Variants in NPRL3 observed in about 807,000 individuals in gnomAD.
The protein encoded by NPRL3 is NPR3 like, GATOR1 complex subunit.
NPRL3 carries 23 observed loss-of-function variants against 57.2 expected under a neutral mutation model. That is an observed-to-expected ratio of 0.40 (90% CI 0.29 to 0.57). NPRL3 has a LOEUF of 0.57. Ranked by LOEUF, NPRL3 falls within the 20% of genes least tolerant of loss-of-function variation. The probability of loss-of-function intolerance (pLI) is 0.42; values close to 1 mark genes in which losing one functional copy is unlikely to be tolerated. For missense variants in NPRL3, 691 were observed against 767.1 expected (o/e 0.90, Z 1.17); for synonymous variants, 333 against 321.1 (o/e 1.04, Z -0.39).
intron 2 of NPRL3, among the ~76,000 whole-genome samples, chr16:131,404 G>A (rs1596540588): frequency 2.2e-5 from 3 of 134,288 alleles, no homozygotes; most frequent in South Asian, 2.2e-4. Context: ...GTGTGAACCC[G>A]GGAAGCAGAG....
chr16:89,915 G>A lies in NPRL3; in HGVS notation c.1162-13C>T, dbSNP rs1898691912. 3 of 1,542,004 alleles carry A rather than the reference G, an allele frequency of 1.9e-6. No individual in the cohort carries two copies. Among genetic ancestry groups the A allele is most frequent in the African/African-American group, 2.8e-5 (2 of 72,356 alleles). ...GGATGAGCTGGGTCTGCGGGTGGCA[G>A]CAGGTGAGGCTGGTCCCCCTCCCCA... On this transcript the variant is annotated splice_polypyrimidine_tract_variant and intron_variant, in intron 11 of 13. Transcript: ENST00000611875.
chr16:117,689 GTGCCCGCC>G (rs1900104965), intron 4 of NPRL3, among the ~76,000 whole-genome samples: 1 of 152,182 alleles, frequency 6.6e-6, no homozygotes, highest in African/African-American at 2.4e-5. Flanking sequence ...CTGCCTTCCC[GTGCCCGCC>G]TGCATCCACC....
chr16:133,017 T>C (rs923527346), intron 2 of NPRL3, among the ~76,000 whole-genome samples: 11 of 152,310 alleles, frequency 7.2e-5, no homozygotes, highest in African/African-American at 2.6e-4. Flanking sequence ...TTAAATCTCA[T>C]GAACTAACTT....
chr16:100,875 G>A (rs151204441), intron 7 of NPRL3, among the ~76,000 whole-genome samples: 16 of 140,264 alleles, frequency 1.1e-4, no homozygotes, highest in African/African-American at 3.0e-4. Flanking sequence ...GGAGGCTGAG[G>A]CAGGAGAATC....
chr16:104,725 C>T (rs1899455028), intron 7 of NPRL3, among the ~76,000 whole-genome samples: 1 of 152,232 alleles, frequency 6.6e-6, no homozygotes. Context: ...TATGAACTAA[C>T]CCAGCTCCCT....
At chr16:120,587 T>A (rs1290993481) in intron 3 of NPRL3, among the ~76,000 whole-genome samples, 1 of 152,210 alleles carries the variant, frequency 6.6e-6, no homozygotes, top group Non-Finnish European at 1.5e-5. Flanking sequence ...GAAGTCACCC[T>A]AGGCTCACAA....
intron 5 of NPRL3, among the ~76,000 whole-genome samples, chr16:115,404 A>C (rs1252312041): frequency 6.6e-6 from 1 of 152,172 alleles, no homozygotes. Flanking sequence ...CCACCCAAAA[A>C]ATACAAACTC....
At chr16:118,122 T>A (rs1900126299) in intron 4 of NPRL3, among the ~76,000 whole-genome samples, 1 of 152,184 alleles carries the variant, frequency 6.6e-6, no homozygotes, top group Non-Finnish European at 1.5e-5. Flanking sequence ...ACCAGGCTCA[T>A]CAACCGCCTC....
rs752985526 is a variant in NPRL3 at position 93,187 on chromosome 16, G to A, written c.1031+32C>T. ...GCCAGCCTCACCCCTTCCCACTCGG[G>A]GCTCCAGGCTCTGGCAGCCAGCAGC... On this transcript the variant is annotated intron_variant, in intron 10 of 13. Transcript: ENST00000611875. 3 of 1,407,136 alleles carry A rather than the reference G, an allele frequency of 2.1e-6. No individual in the cohort carries two copies. In the Admixed American group the frequency reaches 5.9e-5, roughly 28 times the overall value. The allele number at this position is 1,407,136 out of a possible 1,614,324, so 87.2% of individuals were successfully genotyped here.
Position 93,322 on chromosome 16 carries a change from A to G in NPRL3, c.928T>C (p.Phe310Leu). Reference protein sequence around the residue: ...QDADLALLQVFQLAAHLVYWG... With the variant: ...QDADLALLQVLQLAAHLVYWG... Reference sequence around the variant, plus strand: ...TACACCAGATGAGCTGCAAGCTGGAAAACCTGCAGGCAAAAGGGAAGCTGC... The same window carrying G: ...TACACCAGATGAGCTGCAAGCTGGAGAACCTGCAGGCAAAAGGGAAGCTGC... The change falls in exon 10 of 14, where the codon TTC becomes CTC. Residue 310 changes from phenylalanine (F) to leucine (L), a missense_variant. Transcript: ENST00000611875. The G allele has an allele frequency of 1.3e-6, 2 of 1,551,998 alleles. No homozygotes were observed. Among genetic ancestry groups the G allele is most frequent in the Non-Finnish European group, 1.7e-6 (2 of 1,146,334 alleles).
chr16:110,692 C>G (rs566354368), intron 6 of NPRL3, 86 bp from the exon 7 acceptor site: 1 of 1,058,770 alleles, frequency 9.4e-7, no homozygotes, highest in Admixed American at 2.1e-5. Context: ...GGATTACAGG[C>G]GCCCGCCACC....
At chr16:87,441 T>C (rs1898529715) in intron 13 of NPRL3, among the ~76,000 whole-genome samples, 1 of 152,022 alleles carries the variant, frequency 6.6e-6, no homozygotes, top group African/African-American at 2.4e-5. Flanking sequence ...CATTATATGT[T>C]GGCCAGGCTG....
At chr16:123,770 A>T (rs1208158319) in intron 3 of NPRL3, among the ~76,000 whole-genome samples, 1 of 150,500 alleles carries the variant, frequency 6.6e-6, no homozygotes, top group East Asian at 2.0e-4. Flanking sequence ...CCACGCTGAG[A>T]AACAGGGTCA....
intron 11 of NPRL3, 72 bp from the exon 12 acceptor site, chr16:89,974 G>T: frequency 7.1e-7 from 1 of 1,407,340 alleles, no homozygotes; most frequent in Non-Finnish European, 9.6e-7. Context: ...AGGGAGCCAT[G>T]GCCCTAGACA....
chr16:89,670 AGC>A, intron 12 of NPRL3, 41 bp downstream of exon 12: 1 of 1,450,994 alleles, frequency 6.9e-7, no homozygotes. Flanking sequence ...GCCACCCCCA[AGC>A]GTCTCCCCTG....
chr16:123,682 C>T (rs1900377602), intron 3 of NPRL3: 1 of 410,408 alleles, frequency 2.4e-6, no homozygotes, highest in South Asian at 1.7e-5. Flanking sequence ...TAACTGTTGA[C>T]CATCACGACT....
chr16:117,316 C>T lies in NPRL3; in HGVS notation c.378G>A (p.Val126=). Reference sequence around the variant, plus strand: ...AAACACTCACCCTCAGTGCAAACACCACATTAAAAAGAATCATAGTAGGTG... The same window carrying T: ...AAACACTCACCCTCAGTGCAAACACTACATTAAAAAGAATCATAGTAGGTG... The part of the protein sequence containing the change: ...REAPTMILFN[V]VFALRANADP... Residue 126 remains valine, a synonymous_variant, in exon 5 of 14, where the codon GTG becomes GTA. Transcript: ENST00000611875. The T allele has an allele frequency of 6.2e-7, 1 of 1,611,428 alleles. No homozygotes were observed. The highest frequency in any genetic ancestry group is 1.7e-5 in the Admixed American group (1 of 59,918).
At chr16:128,521 C>A (rs1900644737) in intron 3 of NPRL3, among the ~76,000 whole-genome samples, 1 of 152,228 alleles carries the variant, frequency 6.6e-6, no homozygotes, top group Non-Finnish European at 1.5e-5. Context: ...GTAATCCCAG[C>A]ACTTTGGGAG....
chr16:121,549 G>A (rs931334802), intron 3 of NPRL3, among the ~76,000 whole-genome samples: 11 of 151,852 alleles, frequency 7.2e-5, no homozygotes, highest in African/African-American at 1.7e-4. Flanking sequence ...GAACCTGGGC[G>A]GCAGAGGTTG....
Sources: allele counts gnomAD v4.1 joint callset (sites outside exome capture counted in the v4.1 genomes callset), GRCh38; gene constraint gnomAD v4.1.1; transcripts MANE v1.5; gene names NCBI Gene and HGNC (gene_info 2026-07-23, HGNC 2026-07-21).